Variants in NCOA3 observed in about 807,000 individuals in gnomAD.
NCOA3 encodes the protein nuclear receptor coactivator 3.
Under a neutral mutation model 158.8 loss-of-function variants are expected in NCOA3, and 51 were observed. The observed-to-expected ratio is 0.32, with a 90% CI of 0.26 to 0.41. The LOEUF (loss-of-function observed/expected upper bound fraction) is 0.41. NCOA3 is among the 10% of genes least tolerant of loss of function. NCOA3 has a pLI of 1.00. For synonymous variants in NCOA3, 537 were observed against 592.4 expected (o/e 0.91, Z 1.36); for missense variants, 1,510 against 1,746.6 (o/e 0.86, Z 2.41).
intron 1 of NCOA3, among the ~76,000 whole-genome samples, chr20:47,570,315 C>G (rs1163737149): frequency 6.6e-6 from 1 of 152,144 alleles, no homozygotes; most frequent in African/African-American, 2.4e-5. Context: ...GTGGCACATG[C>G]CTGTAGTCCC....
intron 1 of NCOA3, among the ~76,000 whole-genome samples, chr20:47,528,658 G>C (rs1291843923): frequency 6.6e-6 from 1 of 152,026 alleles, no homozygotes; most frequent in East Asian, 1.9e-4. Context: ...TTGAATGCTT[G>C]CTGTGTAAGC....
intron 8 of NCOA3, among the ~76,000 whole-genome samples, chr20:47,632,681 T>C (rs1201342412): frequency 8.1e-6 from 1 of 123,588 alleles, no homozygotes; most frequent in African/African-American, 3.3e-5. Context: ...CCACTGTTGC[T>C]GGCCCGAGTT....
intron 1 of NCOA3, among the ~76,000 whole-genome samples, chr20:47,510,669 C>T (rs747805994): frequency 1.2e-4 from 19 of 152,050 alleles, no homozygotes; most frequent in Non-Finnish European, 2.8e-4. Context: ...TCACAGTTCA[C>T]TGCAGCCTTG....
At chr20:47,525,776 C>T (rs1328514031) in intron 1 of NCOA3, among the ~76,000 whole-genome samples, 1 of 103,886 alleles carries the variant, frequency 9.6e-6, no homozygotes, top group Non-Finnish European at 1.9e-5. Context: ...CCCCCCCCAC[C>T]TCCCTCCCAG....
intron 2 of NCOA3, among the ~76,000 whole-genome samples, chr20:47,584,995 C>T (rs2085512400): frequency 6.6e-6 from 1 of 151,808 alleles, no homozygotes; most frequent in Non-Finnish European, 1.5e-5. Context: ...AGACAAATTT[C>T]CCCAGATTGC....
rs914430891 is a variant in NCOA3, at chr20:47,655,746, T to C, written c.*2329T>C. The C allele has an allele frequency of 6.6e-6, 1 of 152,558 alleles. No individual in the cohort carries two copies. Among genetic ancestry groups the C allele is most frequent in the Non-Finnish European group, 1.5e-5 (1 of 68,032 alleles). The allele number at this position is 152,558 out of a possible 1,614,324, so 9.5% of individuals were successfully genotyped here. A position where few individuals can be genotyped will look rare whatever the true frequency, so the allele number is the denominator to read the frequency against. On this transcript the variant is annotated 3_prime_UTR_variant, in exon 23 of 23. Coordinates refer to ENST00000371998, the MANE Select transcript of NCOA3 (RefSeq NM_181659.3). The stretch of plus-strand genomic sequence containing the variant: ...AGAAATAGAATGGTGCTCTTATCTT[T>C]CTTGACTTTAAAAAAATTATTAAAA...
intron 1 of NCOA3, among the ~76,000 whole-genome samples, chr20:47,579,087 T>C (rs2085413982): frequency 6.6e-6 from 1 of 152,208 alleles, no homozygotes; most frequent in Non-Finnish European, 1.5e-5. Context: ...CAAGGCTTAA[T>C]TTGATGTTTG....
At position 47,510,558 on chromosome 20, in the gene NCOA3, C is replaced by A. The variant is rs1428853168; in HGVS notation, c.-99+8539C>A. 2.0e-5 allele frequency among the ~76,000 whole-genome samples: 3 copies of A among 151,906 alleles called. No individual in the cohort carries two copies. The East Asian group carries it at 5.8e-4, about 29-fold the overall frequency. ...AACCTTCAGTTTCCCTTTTCTTTCC[C>A]CCAAATCACAATATAGTCATCCACA... On this transcript the variant is annotated intron_variant, in intron 1 of 22. Coordinates refer to ENST00000371998, the MANE Select transcript of NCOA3 (RefSeq NM_181659.3).
Position 47,636,775 on chromosome 20 carries a change from C to T in NCOA3, c.2376+13C>T, listed in dbSNP as rs778550628. The T allele has an allele frequency of 1.9e-6, 3 of 1,575,748 alleles. No homozygotes were observed. Among genetic ancestry groups the T allele is most frequent in the Non-Finnish European group, 2.6e-6 (3 of 1,157,644 alleles). The stretch of plus-strand genomic sequence containing the variant: ...GACAAGTGAAGAGGTAATTTGTTTT[C>T]TGTATATTTCAGCTCATATTTCATC... On this transcript the variant is annotated intron_variant, in intron 12 of 22. Transcript: ENST00000371998.
At chr20:47,623,793 G>GAAAA in intron 3 of NCOA3, 118 bp from the exon 4 acceptor site, 1 of 803,032 alleles carries the variant, frequency 1.2e-6, no homozygotes, top group Non-Finnish European at 1.8e-6. Flanking sequence ...CTGTCTCGAG[G>GAAAA]AAAAAAAAAA....
rs374724210 is a variant in NCOA3, at chr20:47,636,101, G to A, written c.1715G>A (p.Gly572Asp). ...AATCAGGATTCCAAGAGTCCTCTGG[G>A]CTTTTATTGCGACCAAAATCCAGTG... ...VSNQDSKSPL[G>D]FYCDQNPVES... The change falls in exon 12 of 23, where the codon GGC (glycine) becomes GAC (aspartate). Residue 572 changes from glycine to aspartate, a missense_variant. Gly to Asp is a moderately conservative substitution (Grantham distance 94). Coordinates refer to ENST00000371998, the MANE Select transcript of NCOA3 (RefSeq NM_181659.3). The A allele has an allele frequency of 1.1e-5, 18 of 1,614,022 alleles. No homozygotes were observed. The highest frequency in any genetic ancestry group is 1.4e-5 in the Non-Finnish European group (17 of 1,180,026).
intron 1 of NCOA3, among the ~76,000 whole-genome samples, chr20:47,525,703 G>T (rs1176219949): frequency 1.5e-5 from 2 of 132,828 alleles, no homozygotes; most frequent in Non-Finnish European, 3.2e-5. Context: ...GCGGCTGGCC[G>T]GGCGGGGGGC....
At chr20:47,553,859 A>G (rs1007616253) in intron 1 of NCOA3, among the ~76,000 whole-genome samples, 5 of 152,094 alleles carry the variant, frequency 3.3e-5, no homozygotes, top group African/African-American at 1.2e-4. Flanking sequence ...CAATAAACAT[A>G]TGTGTGCATG....
chr20:47,622,113 T>C, intron 2 of NCOA3, 116 bp from the exon 3 acceptor site: 1 of 563,458 alleles, frequency 1.8e-6, no homozygotes, highest in South Asian at 2.4e-5. Context: ...GAGAATTATC[T>C]GTTTAGAGAA....
At chr20:47,610,889 C>G (rs1245321930) in intron 2 of NCOA3, among the ~76,000 whole-genome samples, 2 of 152,124 alleles carry the variant, frequency 1.3e-5, no homozygotes, top group Non-Finnish European at 2.9e-5. Context: ...TATTGCTGGA[C>G]AGGGCTAACT....
chr20:47,652,817 A>T, intron 21 of NCOA3, 114 bp from the exon 22 acceptor site: 7 of 1,288,680 alleles, frequency 5.4e-6, no homozygotes, highest in Non-Finnish European at 7.7e-6. Flanking sequence ...GTTTTCTCTA[A>T]CATTCCCAGC....
intron 1 of NCOA3, among the ~76,000 whole-genome samples, chr20:47,503,920 C>T (rs2083983356): frequency 6.6e-6 from 1 of 152,110 alleles, no homozygotes; most frequent in Non-Finnish European, 1.5e-5. Context: ...ATGGAAATGA[C>T]TTAATTGTCC....
At chr20:47,521,002 T>G (rs1334155724) in intron 1 of NCOA3, among the ~76,000 whole-genome samples, 1 of 152,220 alleles carries the variant, frequency 6.6e-6, no homozygotes, top group Non-Finnish European at 1.5e-5. Context: ...TTCACGCACA[T>G]ACACATTTAG....
intron 2 of NCOA3, among the ~76,000 whole-genome samples, chr20:47,603,300 C>T (rs960966846): frequency 6.6e-6 from 1 of 152,254 alleles, no homozygotes; most frequent in African/African-American, 2.4e-5. Context: ...ACCCCCCTCA[C>T]AGGACGTGCG....
Sources: allele counts gnomAD v4.1 joint callset (sites outside exome capture counted in the v4.1 genomes callset), GRCh38; gene constraint gnomAD v4.1.1; transcripts MANE v1.5; gene names NCBI Gene and HGNC (gene_info 2026-07-23, HGNC 2026-07-21).